Variants in SMOC2 observed in about 807,000 individuals in gnomAD.
The protein encoded by SMOC2 is SPARC-related modular calcium-binding protein 2.
A neutral mutation model predicts 61.4 loss-of-function variants in SMOC2; 39 were observed. The observed-to-expected ratio is 0.64, with a 90% confidence interval of 0.49 to 0.83. The LOEUF (loss-of-function observed/expected upper bound fraction) is 0.83, where lower values mean the gene tolerates loss of function less well. Among genes scored for constraint, SMOC2 ranks in the 40% least tolerant of loss-of-function variants. The pLI is 0.00. For synonymous variants in SMOC2, 247 were observed against 239.9 expected (o/e 1.03, Z -0.27); for missense variants, 556 against 592.9 (o/e 0.94, Z 0.65).
chr6:168,446,636 A>ATTT (rs1018216460), intron 1 of SMOC2, among the ~76,000 whole-genome samples: 2 of 152,222 alleles, frequency 1.3e-5, no homozygotes, highest in African/African-American at 4.8e-5. Context: ...ATGAATTAAT[A>ATTT]TTTTTGTTGA....
At chr6:168,615,997 C>T (rs564158133) in intron 9 of SMOC2, among the ~76,000 whole-genome samples, 2 of 152,308 alleles carry the variant, frequency 1.3e-5, no homozygotes, top group East Asian at 1.9e-4. Context: ...TCAGGAGCAA[C>T]ACATTCCTGC....
chr6:168,458,344 C>T (rs1381177967), intron 1 of SMOC2, among the ~76,000 whole-genome samples: 2 of 149,364 alleles, frequency 1.3e-5, no homozygotes, highest in African/African-American at 5.0e-5. Context: ...CCCTGGGGGT[C>T]CTGGGAGGGA....
intron 2 of SMOC2, among the ~76,000 whole-genome samples, chr6:168,517,606 G>A (rs1191035472): frequency 6.6e-6 from 1 of 152,258 alleles, no homozygotes; most frequent in Non-Finnish European, 1.5e-5. Flanking sequence ...ACACTCCAGA[G>A]GAACCAGGCC....
In SMOC2 at chr6:168,479,119, T is replaced by G. The variant is rs898814829; in HGVS notation, c.85-30796T>G. Among the ~76,000 whole-genome samples the G allele has an allele frequency of 2.1e-5, 3 of 144,018 alleles. No homozygotes were observed. The South Asian group carries it at 6.9e-4, about 33-fold the overall frequency. 94.5% of individuals were successfully genotyped at this position (144,018 alleles called of 152,430 possible). ...AAGGAGTCAGGAACGTTGAATGATT[T>G]ATGGTATCTGGTCTGGAACAGCCCT... On this transcript the variant is annotated intron_variant, in intron 1 of 12. Coordinates refer to ENST00000356284, the MANE Select transcript of SMOC2 (RefSeq NM_001166412.2).
At chr6:168,451,396 G>A (rs765914643) in intron 1 of SMOC2, among the ~76,000 whole-genome samples, 1 of 152,184 alleles carries the variant, frequency 6.6e-6, no homozygotes, top group Non-Finnish European at 1.5e-5. Context: ...AAACATGGAC[G>A]CCTTCTCCAG....
At chr6:168,474,658 G>A (rs1354569361) in intron 1 of SMOC2, among the ~76,000 whole-genome samples, 1 of 152,106 alleles carries the variant, frequency 6.6e-6, no homozygotes, top group African/African-American at 2.4e-5. Flanking sequence ...CCACAGCCAA[G>A]ACCACCAGGC....
rs370133965 is a variant in SMOC2, at chr6:168,599,897, CCCCACACT to C, written c.824+903_824+910del. Among the ~76,000 whole-genome samples the C allele has an allele frequency of 1.8e-3, 265 of 146,946 alleles. 2 individuals carry two copies. The highest frequency in any genetic ancestry group is 3.6e-3 in the Middle Eastern group (1 of 276). On this transcript the variant is annotated intron_variant, in intron 8 of 12. Coordinates refer to ENST00000356284, the MANE Select transcript of SMOC2 (RefSeq NM_001166412.2). ...ACCCACACTAACTCCCCCGACACATCCCCACACTCCCACACTCACACACTCCCCTCTCA... is the reference window on the plus strand; with the variant it reads ...ACCCACACTAACTCCCCCGACACATCCCCACACTCACACACTCCCCTCTCA...
At chr6:168,573,559 G>A (rs550052540) in intron 7 of SMOC2, among the ~76,000 whole-genome samples, 3 of 152,256 alleles carry the variant, frequency 2.0e-5, no homozygotes, top group South Asian at 2.1e-4. Flanking sequence ...GGGAGGAGGC[G>A]CAGAGGCTGG....
intron 2 of SMOC2, among the ~76,000 whole-genome samples, chr6:168,518,321 G>A (rs1471762032): frequency 6.6e-6 from 1 of 152,082 alleles, no homozygotes; most frequent in Admixed American, 6.6e-5. Flanking sequence ...CGTTTCTGTT[G>A]CATGTGTGTA....
intron 9 of SMOC2, among the ~76,000 whole-genome samples, chr6:168,625,968 C>A (rs1338395358): frequency 6.6e-6 from 1 of 152,218 alleles, no homozygotes; most frequent in African/African-American, 2.4e-5. Flanking sequence ...GAGTGAAGGT[C>A]TTGACCTGGC....
chr6:168,648,503 G>A (rs1437756406), intron 9 of SMOC2, among the ~76,000 whole-genome samples: 1 of 152,256 alleles, frequency 6.6e-6, no homozygotes, highest in Non-Finnish European at 1.5e-5. Flanking sequence ...CTCCCAGGGA[G>A]CCGAGGCCGG....
intron 1 of SMOC2, among the ~76,000 whole-genome samples, chr6:168,493,938 A>C (rs1782528052): frequency 6.6e-6 from 1 of 152,200 alleles, no homozygotes; most frequent in Admixed American, 6.5e-5. Context: ...TCTTCAAAAA[A>C]CAAAATTAGA....
At chr6:168,524,351 T>G (rs910401154) in intron 2 of SMOC2, among the ~76,000 whole-genome samples, 4 of 152,202 alleles carry the variant, frequency 2.6e-5, no homozygotes, top group African/African-American at 9.6e-5. Flanking sequence ...CTTAATTGTT[T>G]CCTATGACTA....
At chr6:168,460,841 T>C (rs1368303510) in intron 1 of SMOC2, among the ~76,000 whole-genome samples, 1 of 152,192 alleles carries the variant, frequency 6.6e-6, no homozygotes, top group Admixed American at 6.5e-5. Flanking sequence ...CAAAATAATG[T>C]CAACATATTG....
chr6:168,623,335 T>C (rs1389540364), intron 9 of SMOC2, among the ~76,000 whole-genome samples: 1 of 148,034 alleles, frequency 6.8e-6, no homozygotes, highest in Non-Finnish European at 1.5e-5. Flanking sequence ...ATTAATTTTT[T>C]TTTTTTTTTT....
At chr6:168,522,758 A>G (rs1195044266) in intron 2 of SMOC2, among the ~76,000 whole-genome samples, 1 of 152,216 alleles carries the variant, frequency 6.6e-6, no homozygotes, top group Non-Finnish European at 1.5e-5. Flanking sequence ...ATCAGCATAC[A>G]TACATGAACC....
chr6:168,476,066 C>T (rs1322928617), intron 1 of SMOC2, among the ~76,000 whole-genome samples: 3 of 152,132 alleles, frequency 2.0e-5, no homozygotes, highest in South Asian at 2.1e-4. Flanking sequence ...CAATAACACA[C>T]AAGCGTAAAA....
intron 7 of SMOC2, among the ~76,000 whole-genome samples, chr6:168,567,130 GT>G (rs1784564005): frequency 6.6e-6 from 1 of 152,072 alleles, no homozygotes; most frequent in African/African-American, 2.4e-5. Flanking sequence ...TTGTTTTTCT[GT>G]TTTGGTATGA....
intron 1 of SMOC2, among the ~76,000 whole-genome samples, chr6:168,477,319 T>C (rs940100051): frequency 2.6e-5 from 4 of 152,344 alleles, no homozygotes; most frequent in African/African-American, 9.6e-5. Context: ...CTGGCCCTGA[T>C]GCATGTCTCT....
Sources: allele counts gnomAD v4.1 joint callset (sites outside exome capture counted in the v4.1 genomes callset), GRCh38; gene constraint gnomAD v4.1.1; transcripts MANE v1.5; gene names NCBI Gene and HGNC (gene_info 2026-07-23, HGNC 2026-07-21).